The following DGKG variants were observed in gnomAD, a reference collection of about 807,000 sequenced individuals.
DGKG encodes the protein diacylglycerol kinase gamma.
A neutral mutation model predicts 105.3 loss-of-function variants in DGKG; 78 were observed. The ratio of observed to expected loss-of-function variants is 0.74; its 90% CI spans 0.62 to 0.89. DGKG has a LOEUF of 0.89. Ranked by LOEUF, DGKG falls within the 40% of genes least tolerant of loss-of-function variation. DGKG has a pLI of 0.00. For missense variants in DGKG, 958 were observed against 1,020.1 expected, an observed-to-expected ratio of 0.94 and a Z score of 0.83; for synonymous variants, 346 against 367.1, an observed-to-expected ratio of 0.94 and a Z score of 0.66.
Position 186,147,289 on chromosome 3 carries a change from G to C in DGKG, c.*2801C>G. 3.0e-6 allele frequency: 3 copies of C among 985,792 alleles called. No individual in the cohort carries two copies. The highest frequency in any genetic ancestry group is 3.6e-6 in the Non-Finnish European group (3 of 829,868). 61.1% of individuals were successfully genotyped at this position (985,792 alleles called of 1,614,324 possible). Reference sequence around the variant, plus strand: ...TGTAGCATGGCCAGAATCAGAATAAGATAAGAAATAAGGGATTAGGTTCTC... The same window carrying C: ...TGTAGCATGGCCAGAATCAGAATAACATAAGAAATAAGGGATTAGGTTCTC... On this transcript the variant is annotated 3_prime_UTR_variant, in exon 25 of 25. Transcript: ENST00000265022.
intron 1 of DGKG, among the ~76,000 whole-genome samples, chr3:186,353,705 T>TCTATATCTATATCTA (rs1553825822): frequency 1.6e-4 from 18 of 114,926 alleles, no homozygotes; most frequent in African/African-American, 4.4e-4. Flanking sequence ...TATATCTATA[T>TCTATATCTATATCTA]AACAGTGGAC....
intron 2 of DGKG, among the ~76,000 whole-genome samples, chr3:186,310,704 C>A (rs565324070): frequency 6.6e-6 from 1 of 152,276 alleles, no homozygotes; most frequent in South Asian, 2.1e-4. Flanking sequence ...TTTGTCAAAG[C>A]CTTTACCATA....
rs566716202 is a variant in DGKG, at chr3:186,304,301, A to G, written c.144+2600T>C. Among the ~76,000 whole-genome samples the G allele has an allele frequency of 2.6e-5, 4 of 152,310 alleles. No individual in the cohort carries two copies. The South Asian group carries it at 8.3e-4, about 32-fold the overall frequency. On this transcript the variant is annotated intron_variant, in intron 3 of 24. Coordinates refer to ENST00000265022, the MANE Select transcript of DGKG (RefSeq NM_001346.3). ...TTGCTGGCTCTGCTATCTTCTCTGC[A>G]TGGTTTCTCCTCAGGAATGTTCTTT...
intron 1 of DGKG, among the ~76,000 whole-genome samples, chr3:186,342,427 A>T (rs1029893418): frequency 1.4e-4 from 22 of 152,206 alleles, no homozygotes; most frequent in African/African-American, 5.1e-4. Flanking sequence ...TCTTGTGCTG[A>T]CTGAACACTT....
chr3:186,234,654 C>T (rs151246482), intron 20 of DGKG, among the ~76,000 whole-genome samples: 1,659 of 152,242 alleles, frequency 0.011, 29 homozygotes, highest in African/African-American at 0.038. Flanking sequence ...AGAAAAAGCC[C>T]ATTAAGCTAC....
Position 186,212,075 on chromosome 3 carries a change from A to G in DGKG, c.1827-190T>C, listed in dbSNP as rs567256712. On this transcript the variant is annotated intron_variant, in intron 20 of 24. Coordinates refer to ENST00000265022, the MANE Select transcript of DGKG (RefSeq NM_001346.3). Reference sequence around the variant, plus strand: ...ACTGTTCTTGCTCGGAACTTAGAGAAAATCCACTTATTTCTTAGACATCAC... The same window carrying G: ...ACTGTTCTTGCTCGGAACTTAGAGAGAATCCACTTATTTCTTAGACATCAC... 2.0e-5 allele frequency among the ~76,000 whole-genome samples: 3 copies of G among 152,222 alleles called. No homozygotes were observed. The South Asian group carries it at 6.2e-4, about 32-fold the overall frequency.
At chr3:186,339,871 A>G (rs1050936703) in intron 1 of DGKG, among the ~76,000 whole-genome samples, 2 of 152,164 alleles carry the variant, frequency 1.3e-5, no homozygotes, top group Non-Finnish European at 2.9e-5. Context: ...GACATTTCCT[A>G]TATTTGTGGT....
At chr3:186,261,263 T>C (rs1166339328) in intron 15 of DGKG, among the ~76,000 whole-genome samples, 1 of 152,240 alleles carries the variant, frequency 6.6e-6, no homozygotes, top group Admixed American at 6.5e-5. Context: ...TAGCCTCCGC[T>C]GAACTGGGCA....
intron 20 of DGKG, among the ~76,000 whole-genome samples, chr3:186,220,806 C>T (rs1461744296): frequency 5.9e-5 from 9 of 152,146 alleles, no homozygotes; most frequent in Non-Finnish European, 1.3e-4. Flanking sequence ...TAATTCTGGG[C>T]CCCTAAGAAT....
chr3:186,289,072 G>A (rs973824649), intron 5 of DGKG, among the ~76,000 whole-genome samples, 192 bp from the exon 6 acceptor site: 10 of 152,208 alleles, frequency 6.6e-5, no homozygotes, highest in African/African-American at 2.2e-4. Flanking sequence ...TTCTCTGAAG[G>A]GATCCCATGC....
At chr3:186,196,336 A>G (rs373742366) in intron 21 of DGKG, among the ~76,000 whole-genome samples, 1 of 151,794 alleles carries the variant, frequency 6.6e-6, no homozygotes, top group Non-Finnish European at 1.5e-5. Flanking sequence ...ACAGGGTTTC[A>G]CCATGTTGGT....
intron 21 of DGKG, among the ~76,000 whole-genome samples, chr3:186,208,345 C>T (rs1018810007): frequency 6.0e-5 from 9 of 151,212 alleles, no homozygotes; most frequent in East Asian, 1.9e-4. Context: ...CCTCGCCACG[C>T]GAATGGCTTT....
intron 1 of DGKG, among the ~76,000 whole-genome samples, chr3:186,335,833 C>CA (rs1725808009): frequency 6.6e-6 from 1 of 152,180 alleles, no homozygotes; most frequent in Admixed American, 6.5e-5. Flanking sequence ...CCTCCCAGGA[C>CA]ATTTGTGGCA....
rs755577919 is a variant in DGKG at position 186,275,655 on chromosome 3, C to G, written c.802G>C (p.Gly268Arg). The change falls in exon 10 of 25, where the codon GGG becomes CGG. Residue 268 changes from glycine to arginine, a missense_variant. By Grantham distance (125) the Gly-to-Arg change is moderately radical (BLOSUM62 -2). This residue lies in a region of DGKG where 643 missense variants were observed against 619.5 expected (regional missense o/e 1.04). Transcript: ENST00000265022. ...ATGGTCCAGGCGTGCCGCCCATCCC[C>G]CTTGGAGCCCTGCAGGGGTAATAGG... Reference protein sequence around the residue: ...LLGMDDSGSKGDGRHAWTMKH... With the variant: ...LLGMDDSGSKRDGRHAWTMKH... 3 of 1,613,614 alleles carry G rather than the reference C, an allele frequency of 1.9e-6. No homozygotes were observed. The highest frequency in any genetic ancestry group is 2.5e-6 in the Non-Finnish European group (3 of 1,179,898).
chr3:186,242,662 G>T, intron 19 of DGKG, 94 bp from the exon 20 acceptor site: 1 of 1,070,362 alleles, frequency 9.3e-7, no homozygotes, highest in Non-Finnish European at 1.4e-6. Context: ...GCTGAGTCAT[G>T]CCAACCCTGG....
At chr3:186,335,724 T>C (rs977221643) in intron 1 of DGKG, among the ~76,000 whole-genome samples, 1 of 152,206 alleles carries the variant, frequency 6.6e-6, no homozygotes, top group Non-Finnish European at 1.5e-5. Context: ...TACATTTCCA[T>C]GACATTTTAG....
intron 1 of DGKG, among the ~76,000 whole-genome samples, chr3:186,335,459 C>G (rs1725788700): frequency 6.6e-6 from 1 of 152,032 alleles, no homozygotes; most frequent in Non-Finnish European, 1.5e-5. Context: ...AGACATAAAC[C>G]CTTTACTCTT....
chr3:186,236,802 C>G (rs1720441170), intron 20 of DGKG, among the ~76,000 whole-genome samples: 1 of 152,208 alleles, frequency 6.6e-6, no homozygotes, highest in South Asian at 2.1e-4. Context: ...AAGGGCCTAA[C>G]AGGAAATAAC....
intron 5 of DGKG, among the ~76,000 whole-genome samples, chr3:186,291,906 T>G (rs1436848467): frequency 6.6e-6 from 1 of 152,180 alleles, no homozygotes. Flanking sequence ...TACAACTCAA[T>G]CCTTGGATCT....
Sources: allele counts gnomAD v4.1 joint callset (sites outside exome capture counted in the v4.1 genomes callset), GRCh38; gene constraint gnomAD v4.1.1; regional missense constraint gnomAD v4.1.1; transcripts MANE v1.5; gene names NCBI Gene and HGNC (gene_info 2026-07-23, HGNC 2026-07-21).